PTPRR: variants seen among roughly 807,000 people sequenced by gnomAD.
PTPRR encodes receptor-type tyrosine-protein phosphatase R.
Under a neutral mutation model 77.2 loss-of-function variants are expected in PTPRR, and 38 were observed. The ratio of observed to expected loss-of-function variants is 0.49; its 90% confidence interval spans 0.38 to 0.65. The LOEUF is 0.65. PTPRR is among the 30% of genes least tolerant of loss of function. The probability of loss-of-function intolerance (pLI) is 0.00; values close to 1 mark genes in which losing one functional copy is unlikely to be tolerated. For missense variants in PTPRR, 744 were observed against 799.2 expected (o/e 0.93, Z 0.83); for synonymous variants, 299 against 283.1 (o/e 1.06, Z -0.57).
At chr12:70,883,222 T>C (rs951585696) in intron 2 of PTPRR, among the ~76,000 whole-genome samples, 7 of 152,092 alleles carry the variant, frequency 4.6e-5, no homozygotes, top group African/African-American at 9.6e-5. Context: ...GATCTCACCA[T>C]TGCACTCCAG....
chr12:70,720,020 G>T (rs1400152902), intron 6 of PTPRR, among the ~76,000 whole-genome samples: 1 of 152,234 alleles, frequency 6.6e-6, no homozygotes, highest in Non-Finnish European at 1.5e-5. Flanking sequence ...AGGGTGCAAG[G>T]CGCAACCATC....
chr12:70,769,448 T>C (rs949236609), intron 2 of PTPRR, among the ~76,000 whole-genome samples: 4 of 152,130 alleles, frequency 2.6e-5, no homozygotes, highest in Non-Finnish European at 5.9e-5. Flanking sequence ...GAATCCAACT[T>C]ACAAGGGACG....
At chr12:70,900,455 T>C (rs536986723) in intron 1 of PTPRR, among the ~76,000 whole-genome samples, 2 of 151,446 alleles carry the variant, frequency 1.3e-5, no homozygotes, top group South Asian at 4.1e-4. Flanking sequence ...TCCACAACAT[T>C]AGTCTGGGCA....
chr12:70,881,923 G>T (rs1893155742), intron 2 of PTPRR, among the ~76,000 whole-genome samples: 1 of 152,142 alleles, frequency 6.6e-6, no homozygotes, highest in African/African-American at 2.4e-5. Context: ...TTAATTAAAG[G>T]GTGGAGAGTT....
chr12:70,657,275 A>G (rs1886620436), intron 12 of PTPRR, among the ~76,000 whole-genome samples: 1 of 152,150 alleles, frequency 6.6e-6, no homozygotes, highest in Admixed American at 6.5e-5. Flanking sequence ...GGTGAATTTG[A>G]AGGAGGCAGG....
Position 70,685,298 on chromosome 12 carries a change from G to C in PTPRR, c.1280-515C>G, listed in dbSNP as rs189166924. On this transcript the variant is annotated intron_variant, in intron 8 of 13. Coordinates refer to ENST00000283228, the MANE Select transcript of PTPRR (RefSeq NM_002849.4). ...TAATAATCTATTACGTGCTATCTGT[G>C]TGAGGATAGGCAAGCCAGGGGAAGA... Among the ~76,000 whole-genome samples, 35 of 152,022 alleles carry C rather than the reference G, an allele frequency of 2.3e-4. 1 individual carries two copies. In the East Asian group the frequency reaches 6.2e-3, roughly 27 times the overall value.
At chr12:70,859,978 A>C (rs975985480) in intron 2 of PTPRR, among the ~76,000 whole-genome samples, 1 of 151,864 alleles carries the variant, frequency 6.6e-6, no homozygotes, top group Non-Finnish European at 1.5e-5. Context: ...CTTATCCTAA[A>C]AGCTTTTTAT....
intron 5 of PTPRR, among the ~76,000 whole-genome samples, chr12:70,747,882 T>C (rs1890263145): frequency 6.6e-6 from 1 of 152,148 alleles, no homozygotes; most frequent in Non-Finnish European, 1.5e-5. Context: ...TACTTGGCAA[T>C]AGGGTAGTTG....
intron 2 of PTPRR, among the ~76,000 whole-genome samples, chr12:70,870,021 G>C (rs897237721): frequency 6.6e-6 from 1 of 152,144 alleles, no homozygotes; most frequent in Non-Finnish European, 1.5e-5. Context: ...TGGGAGGGGA[G>C]AGTCAAAGAG....
At chr12:70,744,325 A>G (rs1008554663) in intron 6 of PTPRR, among the ~76,000 whole-genome samples, 3 of 152,118 alleles carry the variant, frequency 2.0e-5, no homozygotes, top group African/African-American at 7.2e-5. Flanking sequence ...ACCTTTCCAC[A>G]CTGAATCACA....
intron 2 of PTPRR, among the ~76,000 whole-genome samples, chr12:70,804,139 C>CTGTGTGTGTGTGTG (rs58442488): frequency 0.024 from 3,340 of 137,256 alleles, 59 homozygotes; most frequent in Non-Finnish European, 0.028. Context: ...GTTCCTGGCT[C>CTGTGTGTGTGTGTG]TGTGTGTGTG....
At chr12:70,815,896 C>G (rs1891894642) in intron 2 of PTPRR, among the ~76,000 whole-genome samples, 1 of 152,226 alleles carries the variant, frequency 6.6e-6, no homozygotes, top group South Asian at 2.1e-4. Flanking sequence ...ATGGCCTAAA[C>G]AATTTTACAA....
intron 2 of PTPRR, among the ~76,000 whole-genome samples, chr12:70,855,235 G>A (rs1016469010): frequency 6.6e-6 from 1 of 152,136 alleles, no homozygotes; most frequent in African/African-American, 2.4e-5. Flanking sequence ...AAATTACTGC[G>A]ATGGATGTTT....
intron 2 of PTPRR, among the ~76,000 whole-genome samples, chr12:70,801,947 T>A (rs73146118): frequency 0.01 from 1,590 of 152,248 alleles, 18 homozygotes; most frequent in Non-Finnish European, 0.018. Context: ...TTTCATCCTA[T>A]AGATAGGAGG....
At chr12:70,673,042 AAAAAAAAGAAAG>A in intron 10 of PTPRR, 1 of 1,099,684 alleles carries the variant, frequency 9.1e-7, no homozygotes, top group Non-Finnish European at 1.2e-6. Flanking sequence ...AAAAAAAAAA[AAAAAAAAGAAAG>A]AAAGAAAGAA....
intron 6 of PTPRR, among the ~76,000 whole-genome samples, chr12:70,702,174 G>A (rs991251534): frequency 3.9e-5 from 6 of 151,962 alleles, no homozygotes; most frequent in East Asian, 1.9e-4. Context: ...CCCTTTTCCC[G>A]CTGGGGGGCA....
Position 70,639,145 on chromosome 12 carries a change from C to T in PTPRR, c.*39G>A, listed in dbSNP as rs1436898057. On this transcript the variant is annotated 3_prime_UTR_variant, in exon 14 of 14. Coordinates refer to ENST00000283228, the MANE Select transcript of PTPRR (RefSeq NM_002849.4). Reference sequence around the variant, plus strand: ...GCCTTGGGTGGGTAATTTGATTAATCACCCCAAGAGATTGATGGTCTGACA... The same window carrying T: ...GCCTTGGGTGGGTAATTTGATTAATTACCCCAAGAGATTGATGGTCTGACA... 3.2e-6 allele frequency: 5 copies of T among 1,548,198 alleles called. No individual in the cohort carries two copies. The highest frequency in any genetic ancestry group is 4.4e-6 in the Non-Finnish European group (5 of 1,128,516).
intron 6 of PTPRR, among the ~76,000 whole-genome samples, chr12:70,708,907 C>T (rs1223566763): frequency 5.9e-5 from 9 of 151,604 alleles, no homozygotes. Context: ...AATCAACTAC[C>T]AAAGAACCCT....
At chr12:70,653,090 A>G (rs1477792220) in intron 13 of PTPRR, among the ~76,000 whole-genome samples, 1 of 152,162 alleles carries the variant, frequency 6.6e-6, no homozygotes, top group Admixed American at 6.5e-5. Context: ...TCTGGCACTA[A>G]ACAAGAACAC....
Sources: gnomAD v4.1 joint callset for allele counts (sites outside exome capture counted in the v4.1 genomes callset) on GRCh38, gnomAD v4.1.1 for gene constraint, MANE v1.5 for transcripts, NCBI Gene and HGNC (gene_info 2026-07-23, HGNC 2026-07-21) for gene names.